KALRN: variants seen among roughly 807,000 people sequenced by gnomAD.
The protein encoded by KALRN is kalirin.
KALRN carries 70 observed loss-of-function variants against 353.7 expected under a neutral mutation model. The ratio of observed to expected loss-of-function variants is 0.20; its 90% confidence interval spans 0.16 to 0.24. KALRN has a LOEUF of 0.24. Among genes scored for constraint, KALRN ranks in the 10% least tolerant of loss-of-function variants. The probability of loss-of-function intolerance (pLI) is 1.00; values close to 1 mark genes in which losing one functional copy is unlikely to be tolerated. For synonymous variants in KALRN, 1,391 were observed against 1,434.8 expected, an observed-to-expected ratio of 0.97 and a Z score of 0.69; for missense variants, 2,791 against 3,756.7, an observed-to-expected ratio of 0.74 and a Z score of 6.72.
At chr3:124,643,221 C>T (rs1274914994) in intron 37 of KALRN, among the ~76,000 whole-genome samples, 4 of 152,022 alleles carry the variant, frequency 2.6e-5, no homozygotes, top group African/African-American at 4.8e-5. Flanking sequence ...CTTTGTTGCC[C>T]GGGCTGGTCT....
At chr3:124,440,849 T>A (rs1483016628) in intron 18 of KALRN, among the ~76,000 whole-genome samples, 5 of 151,892 alleles carry the variant, frequency 3.3e-5, no homozygotes, top group Non-Finnish European at 7.4e-5. Flanking sequence ...ATACAGAAAG[T>A]ACTAGGCTTG....
chr3:124,262,850 G>A (rs914765837), intron 3 of KALRN, among the ~76,000 whole-genome samples: 1 of 152,206 alleles, frequency 6.6e-6, no homozygotes, highest in Non-Finnish European at 1.5e-5. Flanking sequence ...ATGTGGGTCA[G>A]GTAACATACA....
In KALRN at chr3:124,544,237, C is replaced by T. The variant is rs544851369; in HGVS notation, c.4936-18606C>T. 1.1e-4 allele frequency among the ~76,000 whole-genome samples: 16 copies of T among 152,266 alleles called. No individual in the cohort carries two copies. The South Asian group carries it at 3.3e-3, about 32-fold the overall frequency. On this transcript the variant is annotated intron_variant, in intron 33 of 59. Transcript: ENST00000682506. ...CATGCACACTGGCACTTTTCATATC[C>T]TTTCCTTGCTTTATTTTTCCCTTCA...
At chr3:124,388,335 A>AT (rs921549986) in intron 11 of KALRN, among the ~76,000 whole-genome samples, 43 of 149,620 alleles carry the variant, frequency 2.9e-4, no homozygotes, top group African/African-American at 7.8e-4. Flanking sequence ...CTTAGACATC[A>AT]TTTTTTTTTT....
At chr3:124,519,933 C>T (rs1344262175) in intron 33 of KALRN, 3 of 956,312 alleles carry the variant, frequency 3.1e-6, no homozygotes, top group African/African-American at 3.5e-5. Flanking sequence ...CTTCCCATCC[C>T]ACTTTCCAGA....
intron 44 of KALRN, 121 bp downstream of exon 44, chr3:124,661,094 G>C: frequency 1.3e-6 from 1 of 763,252 alleles, no homozygotes; most frequent in South Asian, 1.5e-5. Context: ...CAGACAGTAA[G>C]AGGCTCTTGT....
intron 1 of KALRN, among the ~76,000 whole-genome samples, chr3:124,135,403 A>C (rs2065810886): frequency 1.3e-5 from 2 of 152,130 alleles, no homozygotes; most frequent in Admixed American, 6.5e-5. Flanking sequence ...GCAAGGGATA[A>C]AAGATTATAG....
chr3:124,087,670 T>C (rs891877379), intron 1 of KALRN, among the ~76,000 whole-genome samples: 3 of 152,108 alleles, frequency 2.0e-5, no homozygotes, highest in African/African-American at 7.2e-5. Context: ...GTGGTGTCTT[T>C]TGGGGTGCTG....
At chr3:124,256,507 A>G (rs1259240289) in intron 3 of KALRN, among the ~76,000 whole-genome samples, 1 of 152,224 alleles carries the variant, frequency 6.6e-6, no homozygotes, top group Admixed American at 6.5e-5. Flanking sequence ...TAAAAACTTT[A>G]CAGACAACAA....
chr3:124,665,007 C>G (rs333344), intron 45 of KALRN, among the ~76,000 whole-genome samples: 92,408 of 152,096 alleles, frequency 0.61, 28,901 homozygotes, highest in African/African-American at 0.77. Context: ...CTTTAGACCA[C>G]AGTAGAGATA....
intron 3 of KALRN, among the ~76,000 whole-genome samples, chr3:124,247,746 T>C (rs2070517731): frequency 6.6e-6 from 1 of 152,178 alleles, no homozygotes; most frequent in African/African-American, 2.4e-5. Flanking sequence ...GACAATATTT[T>C]CTTTCTCTCA....
intron 32 of KALRN, 53 bp downstream of exon 32, chr3:124,492,935 G>T: frequency 6.3e-7 from 1 of 1,591,502 alleles, no homozygotes; most frequent in Non-Finnish European, 8.6e-7. Flanking sequence ...TTCCGGGTGC[G>T]GGAATGGGAT....
At chr3:124,384,383 C>T (rs1434327078) in intron 10 of KALRN, among the ~76,000 whole-genome samples, 7 of 152,156 alleles carry the variant, frequency 4.6e-5, no homozygotes, top group Admixed American at 1.3e-4. Flanking sequence ...AAGATAAACA[C>T]CAGTGGTTAC....
rs77138925 is a variant in KALRN at position 124,477,817 on chromosome 3, C to A, written c.4191+483C>A. ...AAGTTTGAGAATCACTTCTCTAATG[C>A]AATTGATTCAACCTTTTTTGGAAAA... On this transcript the variant is annotated intron_variant, in intron 27 of 59. Coordinates refer to ENST00000682506, the MANE Select transcript of KALRN (RefSeq NM_001388419.1). Among the ~76,000 whole-genome samples the A allele has an allele frequency of 8.7e-3, 1,318 of 151,814 alleles. 16 individuals carry two copies. Among genetic ancestry groups the A allele is most frequent in the African/African-American group, 0.03 (1,247 of 41,230 alleles).
chr3:124,695,739 C>CTTTT (rs550754671), intron 53 of KALRN, among the ~76,000 whole-genome samples: 5 of 145,238 alleles, frequency 3.4e-5, no homozygotes, highest in South Asian at 2.2e-4. Context: ...TGAGTCTTTC[C>CTTTT]TTTTTTTTTT....
At chr3:124,255,318 C>G (rs1295885635) in intron 3 of KALRN, among the ~76,000 whole-genome samples, 1 of 152,098 alleles carries the variant, frequency 6.6e-6, no homozygotes, top group Non-Finnish European at 1.5e-5. Context: ...GTGGGCTGTC[C>G]TAAGAAGTTC....
At chr3:124,283,476 G>C (rs2075544392) in intron 5 of KALRN, among the ~76,000 whole-genome samples, 1 of 152,104 alleles carries the variant, frequency 6.6e-6, no homozygotes, top group Non-Finnish European at 1.5e-5. Context: ...TGGCCACTCA[G>C]AGTCAATATC....
chr3:124,652,014 A>G (rs956921992), intron 38 of KALRN, among the ~76,000 whole-genome samples: 1 of 152,150 alleles, frequency 6.6e-6, no homozygotes, highest in Admixed American at 6.5e-5. Context: ...ATAGCTCAGC[A>G]TGTGAGAGAT....
chr3:124,481,557 T>C (rs781088400), intron 27 of KALRN, among the ~76,000 whole-genome samples: 1 of 152,162 alleles, frequency 6.6e-6, no homozygotes, highest in East Asian at 1.9e-4. Flanking sequence ...AAACTTACCA[T>C]CATATCCTAA....
Sources: allele counts gnomAD v4.1 joint callset (sites outside exome capture counted in the v4.1 genomes callset), GRCh38; gene constraint gnomAD v4.1.1; transcripts MANE v1.5; gene names NCBI Gene and HGNC (gene_info 2026-07-23, HGNC 2026-07-21).